RANBP2: variants seen among roughly 807,000 people sequenced by gnomAD.
RANBP2 encodes the protein E3 SUMO-protein ligase RanBP2.
In RANBP2, 57 loss-of-function variants were observed where a neutral mutation model predicts 303.6. The ratio of observed to expected loss-of-function variants is 0.19; its 90% confidence interval spans 0.15 to 0.23. The LOEUF (loss-of-function observed/expected upper bound fraction) is 0.23, where lower values mean the gene tolerates loss of function less well. Among genes scored for constraint, RANBP2 ranks in the 10% least tolerant of loss-of-function variants. RANBP2 has a pLI of 1.00. For synonymous variants in RANBP2, 1,167 were observed against 1,301.5 expected (o/e 0.90, Z 2.23); for missense variants, 3,138 against 3,780.8 (o/e 0.83, Z 4.46).
In RANBP2 at chr2:108,719,611, G is replaced by A; in HGVS notation, c.5G>A (p.Arg2Lys). 2 of 1,604,912 alleles carry A rather than the reference G, an allele frequency of 1.2e-6. No homozygotes were observed. Among genetic ancestry groups the A allele is most frequent in the African/African-American group, 2.7e-5 (2 of 74,920 alleles). M[R>K]RSKADVERYI... ...GGGAGCCAGGTTGGCGGCGCGATGAGGCGCAGCAAGGCTGACGTGGAGCGG... is the reference window on the plus strand; with the variant it reads ...GGGAGCCAGGTTGGCGGCGCGATGAAGCGCAGCAAGGCTGACGTGGAGCGG... Residue 2 changes from arginine (R) to lysine (K), a missense_variant, in exon 1 of 29, where the codon AGG becomes AAG. Physicochemically the swap from Arg to Lys is conservative, Grantham distance 26. Around this residue, in one of 20 missense-constraint regions of RANBP2, gnomAD observed 306 missense variants for 381.9 expected, o/e 0.80. Coordinates refer to ENST00000283195, the MANE Select transcript of RANBP2 (RefSeq NM_006267.5).
the RANBP2 span, among the ~76,000 whole-genome samples, chr2:109,424,482 T>TG: frequency 6.6e-6 from 1 of 151,938 alleles, no homozygotes; most frequent in African/African-American, 2.4e-5. Context: ...TACTGCATTT[T>TG]TTTTACAAAT....
At chr2:109,334,997 C>A in the RANBP2 span, among the ~76,000 whole-genome samples, 1 of 152,256 alleles carries the variant, frequency 6.6e-6, no homozygotes, top group African/African-American at 2.4e-5. Context: ...GCTCTGAGAA[C>A]GCGATTTATG....
At chr2:109,347,609 C>A in the RANBP2 span, 9 of 1,564,430 alleles carry the variant, frequency 5.8e-6, no homozygotes, top group African/African-American at 5.4e-5. Flanking sequence ...CCTGCCCCGG[C>A]AGATCCACTG....
At chr2:109,139,766 C>T in the RANBP2 span, among the ~76,000 whole-genome samples, 3 of 152,172 alleles carry the variant, frequency 2.0e-5, no homozygotes, top group African/African-American at 7.2e-5. Flanking sequence ...GTCAGCAGCC[C>T]ATTGAACAAT....
At chr2:109,035,367 T>G in the RANBP2 span, among the ~76,000 whole-genome samples, 1 of 151,792 alleles carries the variant, frequency 6.6e-6, no homozygotes, top group Non-Finnish European at 1.5e-5. Flanking sequence ...TATCTGGACA[T>G]AACACAACAG....
the RANBP2 span, among the ~76,000 whole-genome samples, chr2:109,225,909 T>G: frequency 6.6e-6 from 1 of 152,284 alleles, no homozygotes; most frequent in Admixed American, 6.5e-5. Flanking sequence ...GGGACTATAG[T>G]CGCTTTCCAC....
chr2:109,374,497 C>T, the RANBP2 span, among the ~76,000 whole-genome samples: 4 of 152,140 alleles, frequency 2.6e-5, no homozygotes, highest in Non-Finnish European at 2.9e-5. Flanking sequence ...TCTGGGAGGC[C>T]GCACAGGCAT....
the RANBP2 span, among the ~76,000 whole-genome samples, chr2:109,525,564 A>G: frequency 6.6e-6 from 1 of 152,130 alleles, no homozygotes; most frequent in East Asian, 1.9e-4. Context: ...GGTGACGTGA[A>G]CCCCAGGGCA....
the RANBP2 span, among the ~76,000 whole-genome samples, chr2:108,982,952 T>C: frequency 5.3e-5 from 8 of 152,312 alleles, no homozygotes; most frequent in East Asian, 1.5e-3. Context: ...CAAATCTCTC[T>C]AAGAATGAGC....
At chr2:109,312,437 T>C in the RANBP2 span, among the ~76,000 whole-genome samples, 2 of 152,218 alleles carry the variant, frequency 1.3e-5, no homozygotes, top group African/African-American at 4.8e-5. Context: ...TAATGATGTT[T>C]CGACCGTCAG....
chr2:109,038,502 G>A, the RANBP2 span, among the ~76,000 whole-genome samples: 1 of 151,714 alleles, frequency 6.6e-6, no homozygotes, highest in Non-Finnish European at 1.5e-5. Flanking sequence ...TCATAACCCG[G>A]TCTCTAAATA....
the RANBP2 span, among the ~76,000 whole-genome samples, chr2:109,546,486 T>C: frequency 6.6e-6 from 1 of 152,192 alleles, no homozygotes; most frequent in South Asian, 2.1e-4. Context: ...TTTTAAAACA[T>C]TGTGAACTTT....
the RANBP2 span, among the ~76,000 whole-genome samples, chr2:109,196,562 C>G: frequency 1.3e-5 from 2 of 152,166 alleles, no homozygotes; most frequent in Non-Finnish European, 2.9e-5. Flanking sequence ...TGTCGTCCTG[C>G]AAGAGTGGCC....
the RANBP2 span, among the ~76,000 whole-genome samples, chr2:109,673,314 T>C: frequency 6.6e-6 from 1 of 152,214 alleles, no homozygotes; most frequent in African/African-American, 2.4e-5. Flanking sequence ...CCGTAGTAGG[T>C]CTTGTTGCCA....
chr2:109,369,365 G>T, the RANBP2 span, among the ~76,000 whole-genome samples: 2 of 152,050 alleles, frequency 1.3e-5, no homozygotes, highest in African/African-American at 4.8e-5. Flanking sequence ...AAAAAGAAAA[G>T]AAAGAAAAGC....
chr2:109,161,448 TTCCCCTG>T, the RANBP2 span, among the ~76,000 whole-genome samples: 3 of 152,134 alleles, frequency 2.0e-5, no homozygotes, highest in Admixed American at 1.3e-4. Flanking sequence ...TGGTCTGTTC[TTCCCCTG>T]TACACCCTCC....
chr2:109,125,089 G>A, the RANBP2 span, among the ~76,000 whole-genome samples: 1 of 152,220 alleles, frequency 6.6e-6, no homozygotes, highest in Non-Finnish European at 1.5e-5. Flanking sequence ...GGCTCACCAG[G>A]CAGTCAAGTC....
At chr2:108,734,332 A>AGGTG (rs1695399105) in intron 4 of RANBP2, among the ~76,000 whole-genome samples, 1 of 152,028 alleles carries the variant, frequency 6.6e-6, no homozygotes, top group African/African-American at 2.4e-5. Flanking sequence ...AGGAAATAGG[A>AGGTG]GGTGTGAAGT....
the RANBP2 span, among the ~76,000 whole-genome samples, chr2:108,834,425 G>C: frequency 6.6e-6 from 1 of 151,604 alleles, no homozygotes; most frequent in African/African-American, 2.4e-5. Flanking sequence ...ATGTTGGCCA[G>C]GCTGGTATTG....
Sources: allele counts gnomAD v4.1 joint callset (sites outside exome capture counted in the v4.1 genomes callset), GRCh38; gene constraint gnomAD v4.1.1; regional missense constraint gnomAD v4.1.1; transcripts MANE v1.5; gene names NCBI Gene and HGNC (gene_info 2026-07-23, HGNC 2026-07-21).